Variants in ZFAT observed in about 807,000 individuals in gnomAD.
ZFAT encodes zinc finger protein ZFAT.
A neutral mutation model predicts 117.7 loss-of-function variants in ZFAT; 64 were observed. That is an observed-to-expected ratio of 0.54 (90% confidence interval 0.44 to 0.67). ZFAT has a LOEUF of 0.67. Among genes scored for constraint, ZFAT ranks in the 30% least tolerant of loss-of-function variants. ZFAT has a pLI of 0.00. For missense variants in ZFAT, 1,433 were observed against 1,584.5 expected (o/e 0.90, Z 1.62); for synonymous variants, 679 against 615.0 (o/e 1.10, Z -1.54).
At chr8:134,749,818 C>A in the ZFAT span, among the ~76,000 whole-genome samples, 3 of 152,126 alleles carry the variant, frequency 2.0e-5, no homozygotes, top group Admixed American at 2.0e-4. Context: ...TGTTTCATTG[C>A]TCAATTTTTA....
chr8:134,636,683 G>A (rs1227454767), intron 3 of ZFAT, among the ~76,000 whole-genome samples: 1 of 152,168 alleles, frequency 6.6e-6, no homozygotes, highest in Non-Finnish European at 1.5e-5. Context: ...CAAAAATGGT[G>A]CAAGGACTCA....
chr8:134,587,527 T>A (rs575107488), intron 9 of ZFAT, among the ~76,000 whole-genome samples: 1 of 152,162 alleles, frequency 6.6e-6, no homozygotes, highest in East Asian at 1.9e-4. Flanking sequence ...GGTTCCTAAC[T>A]AACAGGCAGG....
the ZFAT span, among the ~76,000 whole-genome samples, chr8:134,830,688 G>C: frequency 6.6e-6 from 1 of 152,196 alleles, no homozygotes; most frequent in African/African-American, 2.4e-5. Context: ...AGTTTTCTTA[G>C]ATGAGATTTA....
chr8:134,803,642 C>T, the ZFAT span, among the ~76,000 whole-genome samples: 3 of 152,188 alleles, frequency 2.0e-5, no homozygotes, highest in Admixed American at 6.5e-5. Context: ...ACAAATACAT[C>T]TGGGGTAACT....
chr8:134,516,097 T>C (rs1820232525), intron 13 of ZFAT, among the ~76,000 whole-genome samples: 1 of 152,242 alleles, frequency 6.6e-6, no homozygotes, highest in Non-Finnish European at 1.5e-5. Context: ...CCTCCATTTC[T>C]GGCTTTTCTC....
At chr8:134,515,087 C>A (rs1359798703) in intron 13 of ZFAT, among the ~76,000 whole-genome samples, 1 of 152,130 alleles carries the variant, frequency 6.6e-6, no homozygotes, top group Non-Finnish European at 1.5e-5. Flanking sequence ...TGTTAGTTTG[C>A]TGAGAATGAT....
the ZFAT span, among the ~76,000 whole-genome samples, chr8:134,801,343 A>G: frequency 3.9e-5 from 6 of 152,198 alleles, no homozygotes; most frequent in Admixed American, 2.0e-4. Context: ...ATATTCCCAC[A>G]AATATCTCCA....
chr8:134,552,220 G>A (rs1323343540), intron 11 of ZFAT, among the ~76,000 whole-genome samples: 1 of 152,020 alleles, frequency 6.6e-6, no homozygotes, highest in African/African-American at 2.4e-5. Context: ...CTGTCATGGT[G>A]CCTGACACAG....
the ZFAT span, among the ~76,000 whole-genome samples, chr8:134,753,711 G>GA: frequency 6.6e-5 from 10 of 152,190 alleles, 1 homozygote; most frequent in Middle Eastern, 0.01. Flanking sequence ...TCACAGAATG[G>GA]AAAAATCTAT....
At chr8:134,595,167 T>C (rs1826835276) in intron 7 of ZFAT, among the ~76,000 whole-genome samples, 1 of 152,322 alleles carries the variant, frequency 6.6e-6, no homozygotes, top group Admixed American at 6.5e-5. Flanking sequence ...AGCACATTCA[T>C]GCACACACAC....
the ZFAT span, among the ~76,000 whole-genome samples, chr8:134,761,658 C>T: frequency 2.0e-5 from 3 of 151,850 alleles, no homozygotes; most frequent in Non-Finnish European, 4.4e-5. Context: ...CGAGATCGTG[C>T]CACTGCACTC....
At chr8:134,486,200 C>T (rs1257085385) in intron 15 of ZFAT, among the ~76,000 whole-genome samples, 2 of 152,188 alleles carry the variant, frequency 1.3e-5, no homozygotes, top group African/African-American at 2.4e-5. Context: ...ACAAAGCTGC[C>T]GCCAACGCAG....
At chr8:134,764,545 C>A in the ZFAT span, among the ~76,000 whole-genome samples, 1 of 152,134 alleles carries the variant, frequency 6.6e-6, no homozygotes, top group Non-Finnish European at 1.5e-5. Flanking sequence ...ATTAGATAAA[C>A]GTGTAAACTT....
the ZFAT span, among the ~76,000 whole-genome samples, chr8:134,760,296 A>AAAC: frequency 6.1e-5 from 9 of 147,556 alleles, no homozygotes; most frequent in South Asian, 6.4e-4. Flanking sequence ...AAACAAACAA[A>AAAC]AAACAAACAA....
chr8:134,599,310 T>C (rs72719776), intron 7 of ZFAT: 30,306 of 160,806 alleles, frequency 0.19, 3,089 homozygotes, highest in Admixed American at 0.29. Flanking sequence ...TGTGTGTGTG[T>C]GCGCGCGCAT....
intron 2 of ZFAT, among the ~76,000 whole-genome samples, chr8:134,653,284 A>C (rs1282511632): frequency 6.0e-5 from 7 of 116,378 alleles, no homozygotes; most frequent in African/African-American, 1.4e-4. Flanking sequence ...AAAAAAAAAA[A>C]AAAAAAACAA....
At chr8:134,727,041 C>T in the ZFAT span, among the ~76,000 whole-genome samples, 3 of 151,928 alleles carry the variant, frequency 2.0e-5, no homozygotes, top group Admixed American at 6.6e-5. Flanking sequence ...CCTTTCCTGC[C>T]CTGCTCATGT....
chr8:134,742,826 C>G, the ZFAT span, among the ~76,000 whole-genome samples: 1 of 152,192 alleles, frequency 6.6e-6, no homozygotes, highest in Non-Finnish European at 1.5e-5. Flanking sequence ...GCTCTCCACT[C>G]TGGCCCTGAG....
intron 2 of ZFAT, among the ~76,000 whole-genome samples, chr8:134,649,083 T>C (rs1831067185): frequency 1.3e-5 from 2 of 151,656 alleles, no homozygotes; most frequent in South Asian, 4.2e-4. Flanking sequence ...TCCAACACCA[T>C]TTTATGATTT....
Sources: gnomAD v4.1 joint callset for allele counts (sites outside exome capture counted in the v4.1 genomes callset) on GRCh38, gnomAD v4.1.1 for gene constraint, MANE v1.5 for transcripts, NCBI Gene and HGNC (gene_info 2026-07-23, HGNC 2026-07-21) for gene names.